CSMD1: variants seen among roughly 807,000 people sequenced by gnomAD.
CSMD1 encodes CUB and Sushi multiple domains 1.
Under a neutral mutation model 417.5 loss-of-function variants are expected in CSMD1, and 213 were observed. The ratio of observed to expected loss-of-function variants is 0.51; its 90% CI spans 0.46 to 0.57. The LOEUF is 0.57. CSMD1 is among the 20% of genes least tolerant of loss of function. CSMD1 has a pLI of 0.00. For missense variants in CSMD1, 6,923 were observed against 4,529.7 expected (o/e 1.53, Z -15.17); for synonymous variants, 2,862 against 1,736.8 (o/e 1.65, Z -16.11).
At chr8:4,007,527 C>A (rs1290480125) in intron 4 of CSMD1, among the ~76,000 whole-genome samples, 2 of 152,178 alleles carry the variant, frequency 1.3e-5, no homozygotes, top group South Asian at 2.1e-4. Flanking sequence ...CTAGCACTCA[C>A]CTAGATTGCT....
intron 1 of CSMD1, among the ~76,000 whole-genome samples, chr8:4,967,034 A>T (rs894305969): frequency 1.3e-5 from 2 of 152,204 alleles, no homozygotes; most frequent in African/African-American, 4.8e-5. Flanking sequence ...TTGACCAGAC[A>T]TCGCAGTGTT....
chr8:4,604,604 A>G (rs1282768635), intron 2 of CSMD1, among the ~76,000 whole-genome samples: 1 of 152,146 alleles, frequency 6.6e-6, no homozygotes, highest in Non-Finnish European at 1.5e-5. Flanking sequence ...AAAAATGTTA[A>G]AAAGTGAAAC....
In CSMD1 at chr8:4,181,367, A is replaced by ATT. The variant is rs397790425; in HGVS notation, c.416-149270_416-149269dup. Among the ~76,000 whole-genome samples, 1,203 of 150,400 alleles carry ATT rather than the reference A, an allele frequency of 8.0e-3. 10 individuals carry two copies. Among genetic ancestry groups the ATT allele is most frequent in the African/African-American group, 0.024 (992 of 40,844 alleles). The stretch of plus-strand genomic sequence containing the variant: ...GGTACGGTTTCTCATTTATTTATTT[A>ATT]TTTTTTTTTTGAATGCTTAAACTAT... On this transcript the variant is annotated intron_variant, in intron 3 of 69. Transcript: ENST00000635120.
chr8:3,774,692 G>A (rs544682578), intron 5 of CSMD1, among the ~76,000 whole-genome samples: 2 of 152,232 alleles, frequency 1.3e-5, no homozygotes, highest in Middle Eastern at 3.4e-3. Flanking sequence ...CTAATGCTAA[G>A]TGCAAAGGAA....
At chr8:3,989,983 T>C (rs1197907261) in intron 5 of CSMD1, among the ~76,000 whole-genome samples, 2 of 152,214 alleles carry the variant, frequency 1.3e-5, no homozygotes, top group African/African-American at 4.8e-5. Flanking sequence ...TATCAAAATG[T>C]ACAATTGGAA....
rs116388912 is a variant in CSMD1 at position 2,944,376 on chromosome 8, G to C, written c.10403-1772C>G. On this transcript the variant is annotated intron_variant, in intron 68 of 69. Transcript: ENST00000635120. ...ACTGAGGGTGGTCCCAGCAGCAGCA[G>C]TGGTGCAGCAGTGATGTCCAGTGAC... Among the ~76,000 whole-genome samples the C allele has an allele frequency of 8.4e-3, 1,285 of 152,322 alleles. 20 individuals carry two copies. Among genetic ancestry groups the C allele is most frequent in the African/African-American group, 0.03 (1,231 of 41,578 alleles).
intron 33 of CSMD1, among the ~76,000 whole-genome samples, chr8:3,196,733 CTTG>C (rs1463463230): frequency 2.0e-5 from 3 of 152,176 alleles, no homozygotes; most frequent in Non-Finnish European, 2.9e-5. Context: ...ATCACTGAAA[CTTG>C]TTGGTAATGC....
At chr8:4,038,976 C>A (rs773283944) in intron 3 of CSMD1, among the ~76,000 whole-genome samples, 12 of 152,188 alleles carry the variant, frequency 7.9e-5, no homozygotes, top group Non-Finnish European at 1.6e-4. Flanking sequence ...TCACATCAAA[C>A]CTTTAACCCA....
chr8:3,908,633 G>A (rs1808263854), intron 5 of CSMD1, among the ~76,000 whole-genome samples: 1 of 152,086 alleles, frequency 6.6e-6, no homozygotes, highest in South Asian at 2.1e-4. Context: ...AAAAAAATCT[G>A]TCTTATTTTT....
chr8:4,658,292 G>A (rs1439110817), intron 1 of CSMD1, among the ~76,000 whole-genome samples: 1 of 151,988 alleles, frequency 6.6e-6, no homozygotes. Context: ...ATCCATACTG[G>A]GACATATTTT....
rs773891461 is a variant in CSMD1 at position 3,151,454 on chromosome 8, C to G, written c.5974G>C (p.Gly1992Arg). ...CAGTCTAAGTTGTTGGGGTAAGAAC[C>G]TGGGAAGCCGGGGCTCAGGATCACA... ...GGVILSPGFP[G>R]SYPNNLDCTW... Residue 1992 changes from glycine (G) to arginine (R), a missense_variant, in exon 40 of 70, where the codon GGT becomes CGT. Transcript: ENST00000635120. 32 of 1,613,740 alleles carry G rather than the reference C, an allele frequency of 2.0e-5. No homozygotes were observed. In the South Asian group the frequency reaches 3.5e-4, roughly 18 times the overall value.
intron 1 of CSMD1, among the ~76,000 whole-genome samples, chr8:4,794,138 C>T (rs1207143816): frequency 6.6e-6 from 1 of 152,122 alleles, no homozygotes; most frequent in African/African-American, 2.4e-5. Context: ...GCTTTATTCT[C>T]TAATAGACAG....
At chr8:3,160,211 C>T (rs1489369944) in intron 38 of CSMD1, among the ~76,000 whole-genome samples, 1 of 152,138 alleles carries the variant, frequency 6.6e-6, no homozygotes, top group African/African-American at 2.4e-5. Flanking sequence ...GCAACCTCCG[C>T]CTCCTGTTTC....
At chr8:4,894,559 G>GA (rs56868930) in intron 1 of CSMD1, among the ~76,000 whole-genome samples, 11,818 of 31,332 alleles carry the variant, frequency 0.38, 628 homozygotes, top group South Asian at 0.51. Context: ...TCTCAAAAAA[G>GA]AAAAAAAAAA....
At chr8:4,075,806 T>TCC (rs1242446251) in intron 3 of CSMD1, among the ~76,000 whole-genome samples, 1 of 152,162 alleles carries the variant, frequency 6.6e-6, no homozygotes, top group African/African-American at 2.4e-5. Context: ...GACAGAGCAG[T>TCC]CCTTCATGGT....
At chr8:4,124,586 G>A (rs56003604) in intron 3 of CSMD1, among the ~76,000 whole-genome samples, 21,720 of 152,108 alleles carry the variant, frequency 0.14, 1,657 homozygotes, top group Middle Eastern at 0.19. Context: ...GGACCATCTG[G>A]GGTTTCCTGT....
chr8:3,624,668 G>C (rs1796408082), intron 7 of CSMD1, among the ~76,000 whole-genome samples: 1 of 152,130 alleles, frequency 6.6e-6, no homozygotes, highest in Non-Finnish European at 1.5e-5. Context: ...TTTAGTAGCA[G>C]TCTCCCCAGT....
chr8:4,084,507 C>A (rs1800315448), intron 3 of CSMD1, among the ~76,000 whole-genome samples: 1 of 152,038 alleles, frequency 6.6e-6, no homozygotes, highest in South Asian at 2.1e-4. Context: ...ACATTTTAAT[C>A]CTGTTTTTAT....
chr8:4,499,428 C>A (rs1484916613), intron 2 of CSMD1, among the ~76,000 whole-genome samples: 1 of 152,218 alleles, frequency 6.6e-6, no homozygotes, highest in Non-Finnish European at 1.5e-5. Context: ...ATGCACACAT[C>A]TGACAGACGA....
Sources: allele counts gnomAD v4.1 joint callset (sites outside exome capture counted in the v4.1 genomes callset), GRCh38; gene constraint gnomAD v4.1.1; transcripts MANE v1.5; gene names NCBI Gene and HGNC (gene_info 2026-07-23, HGNC 2026-07-21).